SLC4A4: variants seen among roughly 807,000 people sequenced by gnomAD.
SLC4A4 encodes the protein electrogenic sodium bicarbonate cotransporter 1.
Under a neutral mutation model 111.5 loss-of-function variants are expected in SLC4A4, and 27 were observed. The ratio of observed to expected loss-of-function variants is 0.24; its 90% CI spans 0.18 to 0.33. The LOEUF (loss-of-function observed/expected upper bound fraction) is 0.33. Ranked by LOEUF, SLC4A4 falls within the 10% of genes least tolerant of loss-of-function variation. SLC4A4 has a pLI of 1.00. For synonymous variants in SLC4A4, 443 were observed against 463.4 expected (o/e 0.96, Z 0.57); for missense variants, 909 against 1,315.5 (o/e 0.69, Z 4.78).
At chr4:71,530,576 T>G (rs1733830654) in intron 16 of SLC4A4, among the ~76,000 whole-genome samples, 1 of 152,124 alleles carries the variant, frequency 6.6e-6, no homozygotes, top group Admixed American at 6.6e-5. Flanking sequence ...TGGCCTTCTC[T>G]TCCTCAGTAT....
chr4:71,422,872 G>A (rs984259913), intron 7 of SLC4A4, among the ~76,000 whole-genome samples: 10 of 152,290 alleles, frequency 6.6e-5, no homozygotes, highest in African/African-American at 2.4e-4. Flanking sequence ...CAAACCCACA[G>A]CCAATATCAT....
At chr4:71,554,657 G>C (rs1736314057) in intron 20 of SLC4A4, among the ~76,000 whole-genome samples, 1 of 151,704 alleles carries the variant, frequency 6.6e-6, no homozygotes, top group South Asian at 2.1e-4. Context: ...TTTATTGAAA[G>C]AGGCATCTAT....
chr4:71,342,753 A>G (rs1211651356), intron 4 of SLC4A4, among the ~76,000 whole-genome samples: 1 of 152,054 alleles, frequency 6.6e-6, no homozygotes, highest in Non-Finnish European at 1.5e-5. Context: ...AGTTCATTGT[A>G]TAGGTAATTC....
At chr4:71,301,036 G>A in intron 3 of SLC4A4, 1 of 429,684 alleles carries the variant, frequency 2.3e-6, no homozygotes, top group Non-Finnish European at 4.7e-6. Context: ...CACTAGAAGG[G>A]AGAAGGTGCT....
chr4:71,362,841 C>A (rs541866982), intron 6 of SLC4A4, among the ~76,000 whole-genome samples: 1 of 152,312 alleles, frequency 6.6e-6, no homozygotes, highest in East Asian at 1.9e-4. Context: ...CGGCTGGCTC[C>A]TAGGCTTCTT....
chr4:71,102,659 C>A (rs1348248446), intron 2 of SLC4A4, among the ~76,000 whole-genome samples: 28 of 150,278 alleles, frequency 1.9e-4, no homozygotes, highest in Non-Finnish European at 3.6e-4. Context: ...AATTTCATAT[C>A]CAGCCAAACT....
intron 3 of SLC4A4, among the ~76,000 whole-genome samples, chr4:71,302,066 G>A (rs1213761540): frequency 6.6e-6 from 1 of 152,156 alleles, no homozygotes; most frequent in East Asian, 1.9e-4. Context: ...AAGATAGGAA[G>A]GGCATTGATA....
At chr4:71,327,644 T>G (rs1370619171) in intron 3 of SLC4A4, among the ~76,000 whole-genome samples, 1 of 152,006 alleles carries the variant, frequency 6.6e-6, no homozygotes, top group African/African-American at 2.4e-5. Flanking sequence ...TATAGTTTTA[T>G]CCATAGCATT....
rs149363489 is a variant in SLC4A4, at chr4:71,144,834, A to C, written c.-2+52042A>C. Among the ~76,000 whole-genome samples, 409 of 152,294 alleles carry C rather than the reference A, an allele frequency of 2.7e-3. 2 individuals carry two copies. The highest frequency in any genetic ancestry group is 8.1e-3 in the African/African-American group (336 of 41,550). On this transcript the variant is annotated intron_variant, in intron 2 of 26. Transcript: ENST00000649996. ...CTTTGCTGAAGTTGCTTATCAGCTTAAGGGGATTTTGGACTGAGACGATGG... is the reference window on the plus strand; with the variant it reads ...CTTTGCTGAAGTTGCTTATCAGCTTCAGGGGATTTTGGACTGAGACGATGG...
At chr4:71,541,432 A>G (rs1267398287) in intron 18 of SLC4A4, among the ~76,000 whole-genome samples, 1 of 152,116 alleles carries the variant, frequency 6.6e-6, no homozygotes, top group Non-Finnish European at 1.5e-5. Context: ...CTTTAAGCAA[A>G]TGTCAAGGAG....
In SLC4A4 at chr4:71,403,542, C is replaced by G. The variant is rs148160831; in HGVS notation, c.807+5889C>G. Among the ~76,000 whole-genome samples, 457 of 152,064 alleles carry G rather than the reference C, an allele frequency of 3.0e-3. 3 individuals are homozygous for G. Among genetic ancestry groups the G allele is most frequent in the African/African-American group, 0.01 (428 of 41,466 alleles). On this transcript the variant is annotated intron_variant, in intron 7 of 25. Coordinates refer to ENST00000264485, the MANE Select transcript of SLC4A4 (RefSeq NM_001098484.3). Reference sequence around the variant, plus strand: ...AAACTATTTTAGGTAAGAGGGTTAGCCAGTAAGGAGAGGATCTGGTGAGAG... The same window carrying G: ...AAACTATTTTAGGTAAGAGGGTTAGGCAGTAAGGAGAGGATCTGGTGAGAG...
chr4:71,436,953 G>T (rs1403530774), intron 7 of SLC4A4: 2 of 306,466 alleles, frequency 6.5e-6, no homozygotes, highest in South Asian at 2.8e-5. Context: ...ATTAAAAAAT[G>T]TTTACTGTTG....
intron 1 of SLC4A4, among the ~76,000 whole-genome samples, chr4:71,198,772 G>A (rs1382604755): frequency 1.3e-5 from 2 of 152,106 alleles, no homozygotes; most frequent in African/African-American, 4.8e-5. Flanking sequence ...ACCAGCCTGG[G>A]CAGCATAGTG....
chr4:71,385,687 T>C (rs1055424074), intron 6 of SLC4A4, among the ~76,000 whole-genome samples: 2 of 152,194 alleles, frequency 1.3e-5, no homozygotes, highest in African/African-American at 2.4e-5. Context: ...GAGTTTTAGA[T>C]TGCATTTTAA....
At chr4:71,174,475 T>C (rs1745029422) in intron 2 of SLC4A4, among the ~76,000 whole-genome samples, 1 of 152,106 alleles carries the variant, frequency 6.6e-6, no homozygotes, top group South Asian at 2.1e-4. Flanking sequence ...CTCGAACTCC[T>C]GGACTCAAGT....
intron 12 of SLC4A4, among the ~76,000 whole-genome samples, chr4:71,465,160 T>G (rs1727196032): frequency 6.6e-6 from 1 of 152,070 alleles, no homozygotes; most frequent in Admixed American, 6.6e-5. Flanking sequence ...TTATGTGGCA[T>G]AAATCATACT....
intron 5 of SLC4A4, among the ~76,000 whole-genome samples, chr4:71,353,002 G>A (rs1729977357): frequency 6.6e-6 from 1 of 152,202 alleles, no homozygotes; most frequent in African/African-American, 2.4e-5. Flanking sequence ...GCCATCTTAA[G>A]GAGCTTCTGG....
At chr4:71,224,694 G>A (rs1252568983) in intron 1 of SLC4A4, among the ~76,000 whole-genome samples, 1 of 152,220 alleles carries the variant, frequency 6.6e-6, no homozygotes, top group Non-Finnish European at 1.5e-5. Context: ...TCTTTGGCCA[G>A]TAGGCACACC....
intron 3 of SLC4A4, among the ~76,000 whole-genome samples, chr4:71,334,643 G>C (rs2148883453): frequency 1.3e-5 from 2 of 152,278 alleles, no homozygotes; most frequent in Admixed American, 1.3e-4. Context: ...CCCCAAAATT[G>C]ATATACTGGT....
Sources: allele counts gnomAD v4.1 joint callset (sites outside exome capture counted in the v4.1 genomes callset), GRCh38; gene constraint gnomAD v4.1.1; transcripts MANE v1.5; gene names NCBI Gene and HGNC (gene_info 2026-07-23, HGNC 2026-07-21).